VPS13B: variants seen among roughly 807,000 people sequenced by gnomAD.
VPS13B encodes vacuolar protein sorting 13 homolog B, also known as intermembrane lipid transfer protein VPS13B.
VPS13B carries 285 observed loss-of-function variants against 426.4 expected under a neutral mutation model. The ratio of observed to expected loss-of-function variants is 0.67; its 90% CI spans 0.61 to 0.74. VPS13B has a LOEUF of 0.74. Ranked by LOEUF, VPS13B falls within the 30% of genes least tolerant of loss-of-function variation. The pLI, the probability that VPS13B is intolerant of heterozygous loss-of-function variation, is 0.00. For synonymous variants in VPS13B, 1,676 were observed against 1,676.4 expected (o/e 1.00, Z 0.01); for missense variants, 4,537 against 4,782.6 (o/e 0.95, Z 1.51).
At chr8:99,643,764 C>T (rs185522352) in intron 34 of VPS13B, among the ~76,000 whole-genome samples, 27 of 152,302 alleles carry the variant, frequency 1.8e-4, no homozygotes, top group Admixed American at 7.8e-4. Flanking sequence ...TCTCCTACAC[C>T]AAGAGCCATT....
At chr8:99,843,332 G>C (rs558702716) in intron 54 of VPS13B, among the ~76,000 whole-genome samples, 1 of 151,958 alleles carries the variant, frequency 6.6e-6, no homozygotes, top group Non-Finnish European at 1.5e-5. Context: ...AGGACTGGCC[G>C]GGTTATTCTG....
chr8:99,737,592 AC>A (rs1394171830), intron 39 of VPS13B, among the ~76,000 whole-genome samples: 4 of 152,192 alleles, frequency 2.6e-5, no homozygotes, highest in African/African-American at 9.7e-5. Context: ...CATTACCTGT[AC>A]TATTAGTTAA....
intron 7 of VPS13B, chr8:99,119,598 G>A (rs1036746106): frequency 6.6e-6 from 1 of 151,996 alleles, no homozygotes; most frequent in African/African-American, 2.4e-5. Flanking sequence ...AACTACAATG[G>A]CTTAAGTGTC....
At chr8:99,577,685 A>G in intron 33 of VPS13B, 52 bp downstream of exon 33, 1 of 1,604,952 alleles carries the variant, frequency 6.2e-7, no homozygotes, top group Non-Finnish European at 8.5e-7. Flanking sequence ...CCAACTTTAC[A>G]TTCACAGTAG....
At chr8:99,059,889 T>C (rs1000948404) in intron 3 of VPS13B, among the ~76,000 whole-genome samples, 6 of 151,918 alleles carry the variant, frequency 3.9e-5, no homozygotes, top group African/African-American at 1.5e-4. Context: ...TGCGCCATTA[T>C]GCCCAGCTAA....
Position 99,208,712 on chromosome 8 carries a change from C to G in VPS13B, c.2515+15655C>G, listed in dbSNP as rs1030761283. On this transcript the variant is annotated intron_variant, in intron 17 of 61. Coordinates refer to ENST00000357162, the MANE Select transcript of VPS13B (RefSeq NM_152564.5). ...CAACAAATGAAATCATGATAAAAGTCTTATTATCATAGATTGACTTCCTAA... is the reference window on the plus strand; with the variant it reads ...CAACAAATGAAATCATGATAAAAGTGTTATTATCATAGATTGACTTCCTAA... 2.0e-5 allele frequency among the ~76,000 whole-genome samples: 3 copies of G among 152,080 alleles called. No individual in the cohort carries two copies. In the East Asian group the frequency reaches 5.8e-4, roughly 29 times the overall value.
At chr8:99,384,058 T>G in intron 19 of VPS13B, 150 bp from the exon 20 acceptor site, 1 of 692,564 alleles carries the variant, frequency 1.4e-6, no homozygotes, top group East Asian at 2.7e-5. Flanking sequence ...CTACCAGCAA[T>G]GTATCAGGGT....
chr8:99,181,714 C>T (rs753340258), intron 16 of VPS13B, among the ~76,000 whole-genome samples: 28 of 152,180 alleles, frequency 1.8e-4, no homozygotes, highest in Middle Eastern at 3.4e-3. Flanking sequence ...ATTGATGGGT[C>T]ACCTTTCTCT....
At chr8:99,598,541 C>G (rs1208389247) in intron 33 of VPS13B, among the ~76,000 whole-genome samples, 3 of 152,012 alleles carry the variant, frequency 2.0e-5, no homozygotes, top group Non-Finnish European at 4.4e-5. Flanking sequence ...AACACATGCT[C>G]ATTTTCAAAT....
intron 17 of VPS13B, among the ~76,000 whole-genome samples, chr8:99,244,526 G>T (rs945784295): frequency 2.0e-5 from 3 of 152,122 alleles, no homozygotes; most frequent in Admixed American, 6.5e-5. Flanking sequence ...ATCTACCATG[G>T]TTACAGAACA....
intron 30 of VPS13B, among the ~76,000 whole-genome samples, chr8:99,555,887 T>C (rs1358096103): frequency 6.6e-6 from 1 of 152,122 alleles, no homozygotes; most frequent in African/African-American, 2.4e-5. Context: ...TTGGGTTATA[T>C]AAAGAATGAA....
At chr8:99,205,302 A>G (rs1814633090) in intron 17 of VPS13B, among the ~76,000 whole-genome samples, 1 of 152,170 alleles carries the variant, frequency 6.6e-6, no homozygotes, top group South Asian at 2.1e-4. Context: ...GGAGCTGAAC[A>G]ATGGAAACAC....
rs1177742095 is a variant in VPS13B at position 99,642,074 on chromosome 8, T to C, written c.5484T>C (p.Cys1828=). 5.6e-6 allele frequency: 9 copies of C among 1,614,024 alleles called. No homozygotes were observed. The highest frequency in any genetic ancestry group is 1.3e-5 in the African/African-American group (1 of 74,928). The change falls in exon 34 of 62, where the codon TGT becomes TGC. Residue 1828 remains cysteine (C), a synonymous_variant. Coordinates refer to ENST00000357162, the MANE Select transcript of VPS13B (RefSeq NM_152564.5). ...GAATCTCACTAATGACCTATTCCTGTATGGCCTTATCCAAATCGAAATCAC... is the reference window on the plus strand; with the variant it reads ...GAATCTCACTAATGACCTATTCCTGCATGGCCTTATCCAAATCGAAATCAC... ...ASRISLMTYS[C]MALSKSKSQE...
At chr8:99,727,612 A>T (rs1157192506) in intron 39 of VPS13B, among the ~76,000 whole-genome samples, 1 of 152,182 alleles carries the variant, frequency 6.6e-6, no homozygotes. Context: ...ATCTTGTGAG[A>T]CCCATTCACT....
chr8:99,248,427 C>T (rs1398434881), intron 17 of VPS13B, among the ~76,000 whole-genome samples: 3 of 151,826 alleles, frequency 2.0e-5, no homozygotes, highest in Non-Finnish European at 4.4e-5. Flanking sequence ...AGCTTTTCTC[C>T]AAGAATGACT....
chr8:99,540,052 TATATATATA>T (rs1823515356), intron 30 of VPS13B, among the ~76,000 whole-genome samples: 5 of 5,656 alleles, frequency 8.8e-4, no homozygotes, highest in African/African-American at 1.2e-3. Context: ...TATATATATA[TATATATATA>T]TATTTTTTTT....
chr8:99,861,218 G>A (rs1588796693), intron 57 of VPS13B, among the ~76,000 whole-genome samples: 2 of 152,152 alleles, frequency 1.3e-5, no homozygotes, highest in Non-Finnish European at 1.5e-5. Flanking sequence ...GCTGTGTTCT[G>A]CACCTGCGAT....
intron 20 of VPS13B, among the ~76,000 whole-genome samples, chr8:99,387,505 G>C (rs1814192326): frequency 6.6e-6 from 1 of 152,076 alleles, no homozygotes; most frequent in Admixed American, 6.6e-5. Flanking sequence ...TTACAGGCAT[G>C]AACCCCATGT....
chr8:99,370,832 ACTCCT>A (rs973621022), intron 19 of VPS13B, among the ~76,000 whole-genome samples: 2 of 151,794 alleles, frequency 1.3e-5, no homozygotes, highest in African/African-American at 4.8e-5. Context: ...CTGGTCTCGA[ACTCCT>A]AGACTCAAGT....
Sources: allele counts gnomAD v4.1 joint callset (sites outside exome capture counted in the v4.1 genomes callset), GRCh38; gene constraint gnomAD v4.1.1; transcripts MANE v1.5; gene names NCBI Gene and HGNC (gene_info 2026-07-23, HGNC 2026-07-21).